DGKB: variants seen among roughly 807,000 people sequenced by gnomAD.
DGKB encodes diacylglycerol kinase beta, also known as 90 kDa diacylglycerol kinase.
DGKB carries 67 observed loss-of-function variants against 114.3 expected under a neutral mutation model. That is an observed-to-expected ratio of 0.59 (90% CI 0.48 to 0.72). The LOEUF (loss-of-function observed/expected upper bound fraction) is 0.72, where lower values mean the gene tolerates loss of function less well. Among genes scored for constraint, DGKB ranks in the 30% least tolerant of loss-of-function variants. DGKB has a pLI of 0.00. For synonymous variants in DGKB, 398 were observed against 323.1 expected (o/e 1.23, Z -2.49); for missense variants, 907 against 975.2 (o/e 0.93, Z 0.93).
At chr7:14,386,613 G>T (rs140100034) in intron 21 of DGKB, among the ~76,000 whole-genome samples, 12 of 152,326 alleles carry the variant, frequency 7.9e-5, no homozygotes, top group African/African-American at 2.6e-4. Flanking sequence ...GAGTAAGAAA[G>T]TGAAAATTGT....
At chr7:14,952,193 A>G (rs1046890656) in intron 1 of DGKB, among the ~76,000 whole-genome samples, 1 of 152,042 alleles carries the variant, frequency 6.6e-6, no homozygotes, top group African/African-American at 2.4e-5. Flanking sequence ...ACCGGGAGAG[A>G]GACCTGGAAC....
chr7:14,435,846 A>G (rs777043787), intron 21 of DGKB, among the ~76,000 whole-genome samples: 3 of 152,108 alleles, frequency 2.0e-5, no homozygotes, highest in Non-Finnish European at 4.4e-5. Flanking sequence ...TATTTTTGGA[A>G]ATATGTTCTG....
In DGKB at chr7:14,247,685, T is replaced by A. The variant is rs562546182; in HGVS notation, c.2123-69534A>T. ...TCTATTCAGGTCTTTGCAAATTTTT[T>A]AATCTGGTTATTTTTTTTCTTGCTA... On this transcript the variant is annotated intron_variant, in intron 23 of 25. Coordinates refer to ENST00000402815, the MANE Select transcript of DGKB (RefSeq NM_001350709.2). Among the ~76,000 whole-genome samples the A allele has an allele frequency of 1.2e-3, 177 of 151,860 alleles. 1 individual carries two copies. The highest frequency in any genetic ancestry group is 8.3e-3 in the South Asian group (40 of 4,832).
chr7:14,160,521 A>T (rs367848781), intron 25 of DGKB, among the ~76,000 whole-genome samples: 3 of 152,202 alleles, frequency 2.0e-5, no homozygotes, highest in African/African-American at 7.2e-5. Flanking sequence ...CAATTGCTAC[A>T]AAGAGAATAA....
intron 20 of DGKB, among the ~76,000 whole-genome samples, chr7:14,531,054 A>G (rs998754485): frequency 6.6e-6 from 1 of 151,596 alleles, no homozygotes; most frequent in Admixed American, 6.6e-5. Flanking sequence ...ACATTTCTAT[A>G]TTAGAAAATA....
chr7:14,307,118 T>G (rs1003881318), intron 23 of DGKB, among the ~76,000 whole-genome samples: 2 of 125,104 alleles, frequency 1.6e-5, no homozygotes, highest in African/African-American at 2.9e-5. Flanking sequence ...TCTACCACAT[T>G]TCTTGGCATA....
intron 21 of DGKB, among the ~76,000 whole-genome samples, chr7:14,374,361 TG>T (rs1818155990): frequency 6.6e-6 from 1 of 152,098 alleles, no homozygotes; most frequent in South Asian, 2.1e-4. Flanking sequence ...CCTCTCCCCA[TG>T]GGCGCTCTTC....
rs1007499130 is a variant in DGKB at position 14,479,399 on chromosome 7, TC to T, written c.1771-1175del. 1.6e-4 allele frequency among the ~76,000 whole-genome samples: 25 copies of T among 152,266 alleles called. No homozygotes were observed. In the East Asian group the frequency reaches 4.2e-3, roughly 26 times the overall value. On this transcript the variant is annotated intron_variant, in intron 20 of 25. Coordinates refer to ENST00000402815, the MANE Select transcript of DGKB (RefSeq NM_001350709.2). ...GGATACAGCTAACTGTAATTTTTTT[TC>T]TGTATAAACATTTGATACCCTAAAA...
chr7:14,671,571 C>A (rs917947709), intron 13 of DGKB, among the ~76,000 whole-genome samples: 13 of 152,020 alleles, frequency 8.6e-5, no homozygotes, highest in African/African-American at 3.1e-4. Flanking sequence ...GAAGTGATAG[C>A]ATAATAAAAA....
chr7:14,935,523 CA>C (rs760810197), intron 1 of DGKB, among the ~76,000 whole-genome samples: 4 of 152,026 alleles, frequency 2.6e-5, no homozygotes, highest in Non-Finnish European at 4.4e-5. Flanking sequence ...TCAGTCAGGT[CA>C]TAGTAATCAT....
At chr7:14,772,112 G>A (rs1188016594) in intron 2 of DGKB, among the ~76,000 whole-genome samples, 2 of 152,080 alleles carry the variant, frequency 1.3e-5, no homozygotes, top group Non-Finnish European at 2.9e-5. Context: ...AAATGTATTT[G>A]ATTGATGTCT....
rs1037404918 is a variant in DGKB, at chr7:14,148,402, C to T, written c.*729G>A. 2 of 152,588 alleles carry T rather than the reference C, an allele frequency of 1.3e-5. No homozygotes were observed. The highest frequency in any genetic ancestry group is 2.9e-5 in the Non-Finnish European group (2 of 68,038). 9.5% of individuals were successfully genotyped at this position (152,588 alleles called of 1,614,324 possible). On this transcript the variant is annotated 3_prime_UTR_variant, in exon 26 of 26. Transcript: ENST00000402815. ...GTGGTTATGAATTCTCTCCTAGATT[C>T]TCATGCAGAAAGGAACAAGGCTTGC...
intron 13 of DGKB, among the ~76,000 whole-genome samples, chr7:14,643,994 C>T (rs1356409722): frequency 2.6e-5 from 4 of 152,062 alleles, no homozygotes; most frequent in Non-Finnish European, 4.4e-5. Context: ...TACAAATATC[C>T]CCCAGGATCC....
At chr7:14,336,232 C>T (rs1441599478) in intron 23 of DGKB, among the ~76,000 whole-genome samples, 1 of 152,072 alleles carries the variant, frequency 6.6e-6, no homozygotes, top group Admixed American at 6.6e-5. Flanking sequence ...TTTTGGTATT[C>T]TGTTGCAAAG....
chr7:14,445,854 A>G (rs1830658553), intron 21 of DGKB, among the ~76,000 whole-genome samples: 1 of 152,012 alleles, frequency 6.6e-6, no homozygotes, highest in Non-Finnish European at 1.5e-5. Context: ...TAATTTTGAT[A>G]TTCTGAAACA....
intron 1 of DGKB, among the ~76,000 whole-genome samples, chr7:14,939,334 G>A (rs1055882180): frequency 1.3e-5 from 2 of 152,110 alleles, no homozygotes; most frequent in Non-Finnish European, 2.9e-5. Flanking sequence ...TTTGTTGAGT[G>A]CTGAAAAAAG....
chr7:14,393,141 C>T (rs1387578809), intron 21 of DGKB, among the ~76,000 whole-genome samples: 2 of 151,828 alleles, frequency 1.3e-5, no homozygotes, highest in East Asian at 3.9e-4. Context: ...AGGCGCCCGC[C>T]ACCTTGCCAG....
At chr7:14,553,024 G>A (rs987880918) in intron 20 of DGKB, among the ~76,000 whole-genome samples, 1 of 152,194 alleles carries the variant, frequency 6.6e-6, no homozygotes, top group African/African-American at 2.4e-5. Flanking sequence ...ATCCCCAAAG[G>A]GGAAATCAAA....
intron 17 of DGKB, 45 bp downstream of exon 17, chr7:14,607,389 T>C (rs147494477): frequency 2.1e-6 from 2 of 956,760 alleles, no homozygotes; most frequent in Non-Finnish European, 1.7e-6. Context: ...TTTAATTAAT[T>C]AACATTAACT....
Sources: allele counts gnomAD v4.1 joint callset (sites outside exome capture counted in the v4.1 genomes callset), GRCh38; gene constraint gnomAD v4.1.1; transcripts MANE v1.5; gene names NCBI Gene and HGNC (gene_info 2026-07-23, HGNC 2026-07-21).